LRRC27: variants seen among roughly 807,000 people sequenced by gnomAD.
LRRC27 encodes the protein leucine rich repeat containing 27, also known as leucine-rich repeat-containing protein 27.
In LRRC27, 57 loss-of-function variants were observed where a neutral mutation model predicts 55.0. That is an observed-to-expected ratio of 1.04 (90% CI 0.84 to 1.29). LRRC27 has a LOEUF of 1.29. Ranked by LOEUF, LRRC27 falls within the 50% of genes most tolerant of loss-of-function variation. LRRC27 has a pLI of 0.00. For synonymous variants in LRRC27, 278 were observed against 251.9 expected (o/e 1.10, Z -0.98); for missense variants, 721 against 651.5 (o/e 1.11, Z -1.16).
intron 7 of LRRC27, 31 bp from the exon 8 acceptor site, chr10:132,355,759 A>G (rs1327495546): frequency 4.7e-6 from 7 of 1,489,906 alleles, no homozygotes; most frequent in South Asian, 1.2e-5. Flanking sequence ...AGCTGCCTGT[A>G]ACTTATGACA....
At chr10:132,353,326 C>T (rs1372886985) in intron 7 of LRRC27, 6 of 1,130,082 alleles carry the variant, frequency 5.3e-6, no homozygotes, top group Non-Finnish European at 6.6e-6. Context: ...CCCTGACTGG[C>T]ACAGGGCTCT....
chr10:132,364,456 C>T (rs111333289), intron 9 of LRRC27, among the ~76,000 whole-genome samples: 1,123 of 26,454 alleles, frequency 0.042, 10 homozygotes, highest in East Asian at 0.084. Context: ...CACCCACACT[C>T]ACACCCACCC....
upstream of LRRC27, chr10:132,331,593 C>G (rs2066744610): frequency 1.2e-6 from 2 of 1,612,800 alleles, no homozygotes; most frequent in East Asian, 2.2e-5. Context: ...CCAGGAGAGA[C>G]GCGGGGAGTG....
intron 9 of LRRC27, among the ~76,000 whole-genome samples, chr10:132,363,391 A>G: frequency 6.6e-6 from 1 of 152,184 alleles, no homozygotes; most frequent in East Asian, 1.9e-4. Flanking sequence ...TGGGCTCCCT[A>G]GTCGCCTCCA....
Position 132,333,639 on chromosome 10 carries a change from G to C in LRRC27, c.115G>C (p.Val39Leu). ...ATPSKDVHKG[V>L]GGIIFSSSPI... ...CCCCTCCAAAGATGTTCACAAGGGT[G>C]TTGGAGGCATCATCTTTTCCTCCTC... is the stretch of plus-strand genomic sequence containing the variant. Residue 39 changes from valine (V) to leucine (L), a missense_variant, in exon 2 of 11, where the codon GTT becomes CTT. Val to Leu is a conservative substitution (Grantham distance 32, BLOSUM62 1). Coordinates refer to ENST00000368614, the MANE Select transcript of LRRC27 (RefSeq NM_030626.3). The C allele has an allele frequency of 6.2e-7, 1 of 1,613,526 alleles. No homozygotes were observed. Among genetic ancestry groups the C allele is most frequent in the South Asian group, 1.1e-5 (1 of 91,050 alleles).
chr10:132,352,076 T>G (rs1590665074), intron 7 of LRRC27, among the ~76,000 whole-genome samples: 1 of 46,800 alleles, frequency 2.1e-5, no homozygotes, highest in African/African-American at 7.5e-5. Context: ...CAGGCGCAGG[T>G]GCAGCGCTCC....
intron 9 of LRRC27, among the ~76,000 whole-genome samples, chr10:132,364,425 CCACGCTTACATCTACCTCCA>C (rs1564853333): frequency 3.8e-4 from 55 of 146,102 alleles, no homozygotes; most frequent in African/African-American, 5.7e-4. Flanking sequence ...GCGCTTACAC[CCACGCTTACATCTACCTCCA>C]CACCCACACT....
chr10:132,366,870 A>G (rs1292286612), intron 10 of LRRC27: 1 of 1,284,834 alleles, frequency 7.8e-7, no homozygotes, highest in Admixed American at 2.3e-5. Context: ...GAGAGGAGGC[A>G]TGAGGGCAGG....
In LRRC27 at chr10:132,378,669, A is replaced by G. The variant is rs2069370386; in HGVS notation, c.*3427A>G. ...AATCCTGTCTTCTGTTGTGTCCCACAGAAAAACCCATGAGGTTTTTTAACA... is the reference window on the plus strand; with the variant it reads ...AATCCTGTCTTCTGTTGTGTCCCACGGAAAAACCCATGAGGTTTTTTAACA... On this transcript the variant is annotated 3_prime_UTR_variant, in exon 11 of 11. Transcript: ENST00000368614. The G allele has an allele frequency of 1.3e-5, 2 of 152,282 alleles. No homozygotes were observed. The highest frequency in any genetic ancestry group is 1.3e-4 in the Admixed American group (2 of 15,288). The allele number at this position is 152,282 out of a possible 1,614,324, so 9.4% of individuals were successfully genotyped here.
chr10:132,353,437 T>C (rs2068162944), intron 7 of LRRC27: 1 of 1,014,292 alleles, frequency 9.9e-7, no homozygotes, highest in Non-Finnish European at 1.2e-6. Context: ...GACCATGTGA[T>C]AGGGGCTGTG....
At chr10:132,340,525 A>G (rs2067362225) in intron 3 of LRRC27, among the ~76,000 whole-genome samples, 1 of 152,162 alleles carries the variant, frequency 6.6e-6, no homozygotes, top group Admixed American at 6.5e-5. Flanking sequence ...CCTTATAGAG[A>G]GCAGATGCTG....
intron 4 of LRRC27, among the ~76,000 whole-genome samples, chr10:132,343,198 C>G (rs1463174562): frequency 6.6e-6 from 1 of 152,072 alleles, no homozygotes; most frequent in Admixed American, 6.5e-5. Context: ...GCCTGTGTTC[C>G]TAGGTACTTA....
rs780030454 is a variant in LRRC27, at chr10:132,348,137, A to G, written c.707A>G (p.Glu236Gly). Residue 236 changes from glutamate to glycine, a missense_variant, in exon 6 of 11, where the codon GAA (glutamate) becomes GGA (glycine). By Grantham distance (98) the Glu-to-Gly change is moderately conservative (BLOSUM62 -2). Coordinates refer to ENST00000368614, the MANE Select transcript of LRRC27 (RefSeq NM_030626.3). The surrounding 1 kb of genome is among the most constrained non-coding windows in gnomAD (Gnocchi z 4.2). ...KEKASFLPPV[E>G]KPDLSELRKS... is the part of the protein sequence containing the mutation. ...AAGGCCAGCTTTCTCCCACCTGTGG[A>G]AAAGCCAGACCTGAGTGAACTCAGG... is the stretch of plus-strand genomic sequence containing the variant. 33 of 1,613,852 alleles carry G rather than the reference A, an allele frequency of 2.0e-5. No homozygotes were observed. The highest frequency in any genetic ancestry group is 5.0e-5 in the Admixed American group (3 of 60,006).
chr10:132,347,392 T>G (rs1261621120), intron 5 of LRRC27, among the ~76,000 whole-genome samples: 1 of 146,930 alleles, frequency 6.8e-6, no homozygotes, highest in Non-Finnish European at 1.5e-5. Context: ...GGGGCCTCTG[T>G]GGGAAGGTCA....
At position 132,365,682 on chromosome 10, in the gene LRRC27, G is replaced by A. The variant is rs1166831608; in HGVS notation, c.1416+132G>A. ...GGTGGCACAATCTCGGCTCCCTGCAGCCTCCACCTCCCAGGTTCAAGCGAT... is the reference window on the plus strand; with the variant it reads ...GGTGGCACAATCTCGGCTCCCTGCAACCTCCACCTCCCAGGTTCAAGCGAT... On this transcript the variant is annotated intron_variant, in intron 10 of 10. Coordinates refer to ENST00000368614, the MANE Select transcript of LRRC27 (RefSeq NM_030626.3). 4.5e-6 allele frequency: 5 copies of A among 1,114,512 alleles called. No homozygotes were observed. The East Asian group carries it at 1.1e-4, about 25-fold the overall frequency. The allele number at this position is 1,114,512 out of a possible 1,614,324, so 69.0% of individuals were successfully genotyped here. A position where few individuals can be genotyped will look rare whatever the true frequency, so the allele number is the denominator to read the frequency against.
At chr10:132,338,646 G>T (rs923355348) in intron 3 of LRRC27, among the ~76,000 whole-genome samples, 5 of 151,644 alleles carry the variant, frequency 3.3e-5, no homozygotes, top group Non-Finnish European at 5.9e-5. Context: ...CACATCCCCG[G>T]CGCCATGGCT....
rs560503856 is a variant in LRRC27 at position 132,372,989 on chromosome 10, G to A, written c.1417-2077G>A. Among the ~76,000 whole-genome samples the A allele has an allele frequency of 2.0e-5, 3 of 152,204 alleles. No individual in the cohort carries two copies. Among genetic ancestry groups the A allele is most frequent in the South Asian group, 4.2e-4 (2 of 4,816 alleles). On this transcript the variant is annotated intron_variant, in intron 10 of 10. Transcript: ENST00000368614. This position sits in a 1 kb window ranked among gnomAD's most constrained non-coding sequence, Gnocchi z 4.0. ...GGTGAGGGAGAGGCCAAAGCCAGCC[G>A]GCTGGGGAGCGAGCTTCGAATGGAT...
intron 2 of LRRC27, chr10:132,337,241 C>T: frequency 8.5e-7 from 1 of 1,182,636 alleles, no homozygotes. Flanking sequence ...GGCCGAGACA[C>T]TGAGTGTGGG....
intron 3 of LRRC27, among the ~76,000 whole-genome samples, chr10:132,339,017 C>G (rs949066877): frequency 3.9e-5 from 6 of 152,226 alleles, no homozygotes; most frequent in African/African-American, 7.2e-5. Flanking sequence ...GCTACCTGAA[C>G]CTCTTTTGAC....
Sources: allele counts gnomAD v4.1 joint callset (sites outside exome capture counted in the v4.1 genomes callset), GRCh38; gene constraint gnomAD v4.1.1; non-coding constraint Gnocchi (gnomAD v3.1); transcripts MANE v1.5; gene names NCBI Gene and HGNC (gene_info 2026-07-23, HGNC 2026-07-21).